SUMF1: variants seen among roughly 807,000 people sequenced by gnomAD.
SUMF1 encodes sulfatase modifying factor 1.
In SUMF1, 48 loss-of-function variants were observed where a neutral mutation model predicts 47.6. The observed-to-expected ratio is 1.01, with a 90% CI of 0.80 to 1.28. The LOEUF is 1.28. Ranked by LOEUF, SUMF1 falls within the 50% of genes most tolerant of loss-of-function variation. The probability of loss-of-function intolerance (pLI) is 0.00; values close to 1 mark genes in which losing one functional copy is unlikely to be tolerated. For missense variants in SUMF1, 571 were observed against 485.4 expected (o/e 1.18, Z -1.66); for synonymous variants, 230 against 192.1 (o/e 1.20, Z -1.63).
At chr3:4,264,636 C>T (rs1400962224) in intron 8 of SUMF1, among the ~76,000 whole-genome samples, 1 of 152,030 alleles carries the variant, frequency 6.6e-6, no homozygotes, top group African/African-American at 2.4e-5. Context: ...GAAATAACAC[C>T]CATTTAGGTT....
At chr3:4,131,983 G>A (rs893773357) in intron 8 of SUMF1, among the ~76,000 whole-genome samples, 1 of 152,048 alleles carries the variant, frequency 6.6e-6, no homozygotes, top group African/African-American at 2.4e-5. Context: ...AGTGCTGAGT[G>A]CCCAATTTGC....
At chr3:4,449,521 G>A (rs1038853204) in intron 2 of SUMF1, among the ~76,000 whole-genome samples, 181 bp from the exon 3 acceptor site, 2 of 152,136 alleles carry the variant, frequency 1.3e-5, no homozygotes, top group Non-Finnish European at 2.9e-5. Context: ...TTAAATTAAT[G>A]TCACTTACAG....
chr3:4,353,178 G>T (rs1443580771), intron 8 of SUMF1, among the ~76,000 whole-genome samples: 3 of 152,224 alleles, frequency 2.0e-5, no homozygotes, highest in African/African-American at 7.2e-5. Flanking sequence ...GCAGGAGGAT[G>T]GCTTGAGGCC....
At chr3:4,189,224 C>A (rs1156998482) in intron 8 of SUMF1, among the ~76,000 whole-genome samples, 1 of 151,954 alleles carries the variant, frequency 6.6e-6, no homozygotes. Context: ...AGCCTATTTG[C>A]GGGGAGGGGT....
rs553058480 is a variant in SUMF1 at position 4,389,736 on chromosome 3, T to C, written c.955-13347A>G. On this transcript the variant is annotated intron_variant, in intron 7 of 8. Transcript: ENST00000272902. Reference sequence around the variant, plus strand: ...ACTGATTTTTCCCCCCTCTGTGCCCTCCATTCTGCTGTTGAGCCCATACAC... The same window carrying C: ...ACTGATTTTTCCCCCCTCTGTGCCCCCCATTCTGCTGTTGAGCCCATACAC... 2.0e-5 allele frequency among the ~76,000 whole-genome samples: 3 copies of C among 152,314 alleles called. No homozygotes were observed. In the East Asian group the frequency reaches 5.8e-4, roughly 29 times the overall value.
At chr3:4,427,215 G>A (rs1211321107) in intron 3 of SUMF1, among the ~76,000 whole-genome samples, 1 of 152,168 alleles carries the variant, frequency 6.6e-6, no homozygotes, top group Non-Finnish European at 1.5e-5. Flanking sequence ...CTTTACAACT[G>A]CTCTCTTAAA....
chr3:4,211,193 T>C (rs1447407633), intron 8 of SUMF1, among the ~76,000 whole-genome samples: 2 of 74,702 alleles, frequency 2.7e-5, no homozygotes, highest in Non-Finnish European at 5.2e-5. Flanking sequence ...CATATACATA[T>C]ACATACATAC....
chr3:4,445,188 T>C (rs975763558), intron 3 of SUMF1, among the ~76,000 whole-genome samples: 5 of 152,188 alleles, frequency 3.3e-5, no homozygotes, highest in Admixed American at 6.5e-5. Context: ...AACTGGACTA[T>C]ATAAAAAATA....
intron 9 of SUMF1, among the ~76,000 whole-genome samples, chr3:4,066,372 T>C (rs1180523838): frequency 1.3e-5 from 2 of 152,108 alleles, no homozygotes; most frequent in African/African-American, 2.4e-5. Context: ...ACATAAAATT[T>C]AACTGTTATA....
At chr3:4,359,456 C>T (rs190189202), downstream of SUMF1, among the ~76,000 whole-genome samples, 1 of 152,066 alleles carries the variant, frequency 6.6e-6, no homozygotes, top group African/African-American at 2.4e-5. Context: ...TTTGATTTTT[C>T]ATTTTTTGTA....
At chr3:4,070,505 C>T (rs896676024) in intron 8 of SUMF1, among the ~76,000 whole-genome samples, 1 of 152,146 alleles carries the variant, frequency 6.6e-6, no homozygotes, top group Non-Finnish European at 1.5e-5. Flanking sequence ...CATGAACAAC[C>T]AATGAAATTC....
At chr3:4,117,925 C>T (rs1357891085) in intron 8 of SUMF1, among the ~76,000 whole-genome samples, 2 of 151,986 alleles carry the variant, frequency 1.3e-5, no homozygotes, top group Non-Finnish European at 2.9e-5. Flanking sequence ...CCAAAGAAGA[C>T]ATGGTTCCCA....
chr3:4,316,619 ATCTTC>A (rs763345824), intron 8 of SUMF1: 2 of 1,551,234 alleles, frequency 1.3e-6, no homozygotes, highest in South Asian at 2.4e-5. Context: ...TTGAAGTGTC[ATCTTC>A]TCTTATTCTA....
Position 4,107,559 on chromosome 3 carries a change from G to A in SUMF1, c.1015-38814C>T, listed in dbSNP as rs7647964. ...TATTTGTGAATAAAGGACTCTCTTCGTTGTAATCCCACCTGTCTCCTACCC... is the reference window on the plus strand; with the variant it reads ...TATTTGTGAATAAAGGACTCTCTTCATTGTAATCCCACCTGTCTCCTACCC... On this transcript the variant is annotated intron_variant and NMD_transcript_variant, in intron 8 of 12. Transcript: ENST00000448413. Among the ~76,000 whole-genome samples the A allele has an allele frequency of 2.7e-3, 406 of 152,174 alleles. 7 individuals carry two copies. The highest frequency in any genetic ancestry group is 9.1e-3 in the African/African-American group (377 of 41,484).
At chr3:4,237,251 G>A (rs1696430085) in intron 8 of SUMF1, among the ~76,000 whole-genome samples, 1 of 152,246 alleles carries the variant, frequency 6.6e-6, no homozygotes, top group Non-Finnish European at 1.5e-5. Context: ...TCTACCAGCA[G>A]TGAAGGAGTT....
intron 8 of SUMF1, among the ~76,000 whole-genome samples, chr3:4,185,152 C>T (rs546116224): frequency 6.6e-6 from 1 of 152,208 alleles, no homozygotes. Flanking sequence ...ATGAATTTCC[C>T]TAAAGAAATC....
At chr3:4,435,726 G>T (rs1413726552) in intron 3 of SUMF1, among the ~76,000 whole-genome samples, 3 of 152,166 alleles carry the variant, frequency 2.0e-5, no homozygotes, top group Admixed American at 2.0e-4. Flanking sequence ...AAAAGATTGT[G>T]AATCAACATT....
chr3:4,427,128 C>G (rs1702093590), intron 3 of SUMF1, among the ~76,000 whole-genome samples: 1 of 152,144 alleles, frequency 6.6e-6, no homozygotes, highest in Non-Finnish European at 1.5e-5. Flanking sequence ...ACACACAGCC[C>G]AGAATAAAAT....
In SUMF1 at chr3:4,241,881, G is replaced by A. The variant is rs538015565; in HGVS notation, c.1014+134449C>T. On this transcript the variant is annotated intron_variant and NMD_transcript_variant, in intron 8 of 12. Coordinates refer to the SUMF1 transcript ENST00000448413. ...GTGTCTGATTTACATAGGGCCTAGAGATTGGTTGGACCAGTTGTGACATTT... is the reference window on the plus strand; with the variant it reads ...GTGTCTGATTTACATAGGGCCTAGAAATTGGTTGGACCAGTTGTGACATTT... Among the ~76,000 whole-genome samples the A allele has an allele frequency of 5.3e-5, 8 of 152,300 alleles. No homozygotes were observed. In the South Asian group the frequency reaches 1.7e-3, roughly 32 times the overall value.
Sources: gnomAD v4.1 joint callset for allele counts (sites outside exome capture counted in the v4.1 genomes callset) on GRCh38, gnomAD v4.1.1 for gene constraint, MANE v1.5 for transcripts, NCBI Gene and HGNC (gene_info 2026-07-23, HGNC 2026-07-21) for gene names.